Variants in CCDC138 observed in about 807,000 individuals in gnomAD.
CCDC138 encodes the protein coiled-coil domain containing 138.
Under a neutral mutation model 82.3 loss-of-function variants are expected in CCDC138, and 66 were observed. The observed-to-expected ratio is 0.80, with a 90% CI of 0.66 to 0.98. The LOEUF (loss-of-function observed/expected upper bound fraction) is 0.98, where lower values mean the gene tolerates loss of function less well. CCDC138 is among the 50% of genes least tolerant of loss of function. The pLI is 0.00. For synonymous variants in CCDC138, 297 were observed against 265.4 expected, an observed-to-expected ratio of 1.12 and a Z score of -1.16; for missense variants, 816 against 758.9, an observed-to-expected ratio of 1.08 and a Z score of -0.88.
intron 6 of CCDC138, among the ~76,000 whole-genome samples, chr2:108,800,608 C>CTT (rs67529329): frequency 4.8e-4 from 16 of 33,486 alleles, no homozygotes; most frequent in African/African-American, 1.4e-3. Flanking sequence ...CTCAGTTTAG[C>CTT]TTTTTTTTTT....
chr2:108,817,923 A>G (rs1281139583), intron 10 of CCDC138, among the ~76,000 whole-genome samples: 1 of 152,198 alleles, frequency 6.6e-6, no homozygotes, highest in East Asian at 1.9e-4. Flanking sequence ...TACATCAATT[A>G]TTTCCCTAAA....
At chr2:108,846,629 A>G (rs1690528004) in intron 11 of CCDC138, 109 bp from the exon 12 acceptor site, 1 of 862,184 alleles carries the variant, frequency 1.2e-6, no homozygotes, top group African/African-American at 1.7e-5. Context: ...GTGAGCCATG[A>G]TTGCGCTACT....
intron 13 of CCDC138, among the ~76,000 whole-genome samples, chr2:108,869,657 T>A (rs1694941048): frequency 6.6e-6 from 1 of 151,638 alleles, no homozygotes; most frequent in African/African-American, 2.4e-5. Context: ...TCTGGGAAAT[T>A]AAGACATTTA....
Position 108,873,546 on chromosome 2 carries a change from C to G in CCDC138, c.1789C>G (p.Leu597Val). 1 of 1,611,224 alleles carries G rather than the reference C, an allele frequency of 6.2e-7. No homozygotes were observed. The highest frequency in any genetic ancestry group is 8.5e-7 in the Non-Finnish European group (1 of 1,178,774). The change falls in exon 14 of 15, where the codon CTA becomes GTA. Residue 597 changes from leucine to valine, a missense_variant. Coordinates refer to ENST00000295124, the MANE Select transcript of CCDC138 (RefSeq NM_144978.3). ...LRAPKLDLQI[L>V]EKLSIILQKL... ...AGCCCCTAAGCTTGATCTTCAAATACTAGAAAAACTCAGTATTATTTTACA... is the reference window on the plus strand; with the variant it reads ...AGCCCCTAAGCTTGATCTTCAAATAGTAGAAAAACTCAGTATTATTTTACA...
At position 108,789,044 on chromosome 2, in the gene CCDC138, A is replaced by G. The variant is rs1679461343; in HGVS notation, c.266+78A>G. On this transcript the variant is annotated intron_variant, in intron 3 of 14. Transcript: ENST00000295124. ...TGAGAAAGAGAAAAGGGCAGGTTAT[A>G]TTTTTGCTCTTTCCTGAGGACAAGT... The G allele has an allele frequency of 5.3e-6, 8 of 1,511,358 alleles. No individual in the cohort carries two copies. In the South Asian group the frequency reaches 5.8e-5, roughly 11 times the overall value. The allele number at this position is 1,511,358 out of a possible 1,614,324, so 93.6% of individuals were successfully genotyped here. A position where few individuals can be genotyped will look rare whatever the true frequency, so the allele number is the denominator to read the frequency against.
intron 12 of CCDC138, among the ~76,000 whole-genome samples, chr2:108,851,619 A>G (rs190004220): frequency 9.2e-5 from 14 of 152,152 alleles, no homozygotes; most frequent in African/African-American, 2.4e-4. Context: ...TTGGGTTTTT[A>G]TGGAGGCTTC....
chr2:108,817,631 C>T (rs1181794876), intron 10 of CCDC138, among the ~76,000 whole-genome samples: 1 of 152,180 alleles, frequency 6.6e-6, no homozygotes, highest in Admixed American at 6.5e-5. Flanking sequence ...CCTCAGCTGA[C>T]AGTCACAAAG....
At chr2:108,800,608 CTTTTTTT>C (rs67529329) in intron 6 of CCDC138, among the ~76,000 whole-genome samples, 57 of 33,486 alleles carry the variant, frequency 1.7e-3, no homozygotes, top group African/African-American at 7.1e-3. Flanking sequence ...CTCAGTTTAG[CTTTTTTT>C]TTTTTTTTTT....
chr2:108,790,148 TATC>T (rs908123559), intron 3 of CCDC138, among the ~76,000 whole-genome samples: 4 of 152,298 alleles, frequency 2.6e-5, no homozygotes, highest in Admixed American at 1.3e-4. Flanking sequence ...TGTTACCTAT[TATC>T]ATTATTATTA....
At chr2:108,862,147 G>C (rs1170013263) in intron 13 of CCDC138, among the ~76,000 whole-genome samples, 1 of 149,000 alleles carries the variant, frequency 6.7e-6, no homozygotes, top group African/African-American at 2.5e-5. Flanking sequence ...TTCACATGCA[G>C]ATGAGAAGAA....
rs780103303 is a variant in CCDC138 at position 108,816,188 on chromosome 2, C to T, written c.1206+83C>T. The stretch of plus-strand genomic sequence containing the variant: ...AGCCAGGGCCAGGCACAGTGGCTCA[C>T]GTCTATAATCCCATCACTTTGGGAG... On this transcript the variant is annotated intron_variant, in intron 10 of 14. Transcript: ENST00000295124. 56 of 993,488 alleles carry T rather than the reference C, an allele frequency of 5.6e-5. 1 individual carries two copies. Among genetic ancestry groups the T allele is most frequent in the South Asian group, 4.4e-4 (27 of 61,940 alleles). 61.5% of individuals were successfully genotyped at this position (993,488 alleles called of 1,614,324 possible).
intron 12 of CCDC138, among the ~76,000 whole-genome samples, chr2:108,852,983 A>G (rs1352054609): frequency 6.6e-6 from 1 of 152,236 alleles, no homozygotes; most frequent in Admixed American, 6.5e-5. Context: ...TGTTTGTATC[A>G]AAGTTAATAT....
chr2:108,840,615 T>C (rs1574162004), intron 11 of CCDC138, among the ~76,000 whole-genome samples: 1 of 152,160 alleles, frequency 6.6e-6, no homozygotes, highest in East Asian at 1.9e-4. Flanking sequence ...GTGTAGAGTT[T>C]TTCATAGTAT....
chr2:108,828,228 A>G (rs1331904309), intron 10 of CCDC138, among the ~76,000 whole-genome samples: 1 of 152,228 alleles, frequency 6.6e-6, no homozygotes, highest in Admixed American at 6.5e-5. Flanking sequence ...TATAACATTA[A>G]ATATTTATCA....
chr2:108,831,708 C>CCTTCCTTCCTT (rs1241495754), intron 10 of CCDC138, among the ~76,000 whole-genome samples: 7 of 145,728 alleles, frequency 4.8e-5, no homozygotes, highest in Non-Finnish European at 9.4e-5. Flanking sequence ...AATCTTCCTT[C>CCTTCCTTCCTT]CTTCCTTCCT....
chr2:108,858,361 C>A (rs571713756), intron 13 of CCDC138, among the ~76,000 whole-genome samples: 37 of 151,530 alleles, frequency 2.4e-4, no homozygotes, highest in African/African-American at 8.0e-4. Flanking sequence ...AACAAACAAA[C>A]AAAAAAAACA....
rs1288388401 is a variant in CCDC138 at position 108,839,612 on chromosome 2, CTGAG to C, written c.1323+313_1323+316del. On this transcript the variant is annotated intron_variant, in intron 11 of 14. Coordinates refer to ENST00000295124, the MANE Select transcript of CCDC138 (RefSeq NM_144978.3). ...GCTGCATTCTTGTTTACCTTTTTGG[CTGAG>C]TATTTAAATTTTTTGAGCAATTTTA... Among the ~76,000 whole-genome samples, 22 of 152,110 alleles carry C rather than the reference CTGAG, an allele frequency of 1.4e-4. No individual in the cohort carries two copies. The East Asian group carries it at 3.5e-3, about 24-fold the overall frequency.
chr2:108,853,849 AT>A (rs1691953870), intron 12 of CCDC138, among the ~76,000 whole-genome samples: 1 of 130,614 alleles, frequency 7.7e-6, no homozygotes, highest in African/African-American at 2.9e-5. Flanking sequence ...CAATATATAT[AT>A]ACTATATATA....
rs1050535925 is a variant in CCDC138 at position 108,807,357 on chromosome 2, C to A, written c.855+2349C>A. On this transcript the variant is annotated intron_variant, in intron 7 of 14. Transcript: ENST00000295124. The stretch of plus-strand genomic sequence containing the variant: ...AAAATACATCAATTGAATTTAAGAA[C>A]TCCATTGAATGGGGTTTTAAAATTA... Among the ~76,000 whole-genome samples the A allele has an allele frequency of 1.2e-4, 19 of 152,266 alleles. No individual in the cohort carries two copies. The East Asian group carries it at 3.5e-3, about 28-fold the overall frequency.
Sources: gnomAD v4.1 joint callset for allele counts (sites outside exome capture counted in the v4.1 genomes callset) on GRCh38, gnomAD v4.1.1 for gene constraint, MANE v1.5 for transcripts, NCBI Gene and HGNC (gene_info 2026-07-23, HGNC 2026-07-21) for gene names.